FAM120B: variants seen among roughly 807,000 people sequenced by gnomAD.
The protein encoded by FAM120B is family with sequence similarity 120 member B.
FAM120B carries 83 observed loss-of-function variants against 96.3 expected under a neutral mutation model. The ratio of observed to expected loss-of-function variants is 0.86; its 90% confidence interval spans 0.72 to 1.03. FAM120B has a LOEUF of 1.03. FAM120B is among the 50% of genes least tolerant of loss of function. The pLI, the probability that FAM120B is intolerant of heterozygous loss-of-function variation, is 0.00. For missense variants in FAM120B, 1,027 were observed against 1,121.2 expected, an observed-to-expected ratio of 0.92 and a Z score of 1.20; for synonymous variants, 407 against 402.7, an observed-to-expected ratio of 1.01 and a Z score of -0.13.
At chr6:170,358,694 G>T (rs922783989) in intron 6 of FAM120B, among the ~76,000 whole-genome samples, 1 of 152,224 alleles carries the variant, frequency 6.6e-6, no homozygotes, top group African/African-American at 2.4e-5. Context: ...GGGCCGCCTG[G>T]CACCTTCCTG....
chr6:170,355,331 G>A (rs961997965), intron 5 of FAM120B, among the ~76,000 whole-genome samples: 1 of 152,162 alleles, frequency 6.6e-6, no homozygotes, highest in Admixed American at 6.5e-5. Flanking sequence ...GCATATCAGT[G>A]ATAGACTGAG....
chr6:170,381,857 A>G (rs1053133671), intron 6 of FAM120B, among the ~76,000 whole-genome samples: 18 of 152,122 alleles, frequency 1.2e-4, no homozygotes, highest in African/African-American at 4.3e-4. Flanking sequence ...ATCTTTCTCA[A>G]CTTGATAAAG....
intron 6 of FAM120B, among the ~76,000 whole-genome samples, chr6:170,361,194 ACGTG>A (rs753962741): frequency 0.012 from 744 of 63,454 alleles, 30 homozygotes; most frequent in East Asian, 0.11. Context: ...ATATATATAT[ACGTG>A]TATATATATA....
chr6:170,341,003 G>A (rs1381576113), intron 4 of FAM120B, among the ~76,000 whole-genome samples: 1 of 152,238 alleles, frequency 6.6e-6, no homozygotes, highest in Admixed American at 6.5e-5. Flanking sequence ...CCTCAGCAGA[G>A]CTGGAGTGCT....
At chr6:170,307,750 T>C (rs971119226) in intron 1 of FAM120B, among the ~76,000 whole-genome samples, 1 of 152,132 alleles carries the variant, frequency 6.6e-6, no homozygotes, top group Non-Finnish European at 1.5e-5. Flanking sequence ...CTGGCAGATA[T>C]AGGGGTGGGG....
intron 6 of FAM120B, among the ~76,000 whole-genome samples, chr6:170,381,871 A>G (rs1789925230): frequency 6.6e-6 from 1 of 152,156 alleles, no homozygotes; most frequent in East Asian, 1.9e-4. Context: ...GATAAAGAAC[A>G]TCTACAAAAG....
rs1273890715 is a variant in FAM120B at position 170,377,852 on chromosome 6, A to T, written c.2284-10435A>T. The stretch of plus-strand genomic sequence containing the variant: ...TGTGCACACGCGTCCCTAATCCCAG[A>T]TGCCTGGGAGAGCACCGGCTCACGC... On this transcript the variant is annotated intron_variant, in intron 6 of 10. Transcript: ENST00000476287. 8.8e-5 allele frequency among the ~76,000 whole-genome samples: 13 copies of T among 147,198 alleles called. 2 individuals are homozygous for T. The South Asian group carries it at 1.3e-3, about 15-fold the overall frequency.
At chr6:170,291,693 C>G (rs1182264864), upstream of FAM120B, among the ~76,000 whole-genome samples, 3 of 152,166 alleles carry the variant, frequency 2.0e-5, no homozygotes, top group Admixed American at 6.5e-5. Context: ...AGTGCAGAGC[C>G]GACGCGCGGG....
chr6:170,378,120 T>A (rs908905530), intron 6 of FAM120B, among the ~76,000 whole-genome samples: 1 of 152,254 alleles, frequency 6.6e-6, no homozygotes, highest in Non-Finnish European at 1.5e-5. Flanking sequence ...AATGCTCATT[T>A]CTGTCTGTGG....
At chr6:170,390,000 C>T (rs1391859605) in intron 7 of FAM120B, among the ~76,000 whole-genome samples, 3 of 152,230 alleles carry the variant, frequency 2.0e-5, no homozygotes, top group Non-Finnish European at 4.4e-5. Flanking sequence ...GGGACGCTGG[C>T]TGCTGTCCAG....
intron 5 of FAM120B, among the ~76,000 whole-genome samples, 167 bp downstream of exon 5, chr6:170,348,490 A>T (rs78897731): frequency 0.019 from 2,923 of 152,304 alleles, 99 homozygotes; most frequent in African/African-American, 0.067. Context: ...AGAAGATTGT[A>T]TGGCAAAATA....
chr6:170,290,998 C>T (rs1783853550), upstream of FAM120B: 2 of 701,770 alleles, frequency 2.8e-6, no homozygotes, highest in South Asian at 3.0e-5. This position sits in a 1 kb window ranked among gnomAD's most constrained non-coding sequence, Gnocchi z 4.7. Flanking sequence ...TGCAAATCAG[C>T]AGCCCCCCAA....
At chr6:170,366,086 CTCAGTGGCATTCTGTCAT>C (rs1467680005) in intron 6 of FAM120B, among the ~76,000 whole-genome samples, 16 of 152,176 alleles carry the variant, frequency 1.1e-4, no homozygotes, top group Non-Finnish European at 7.3e-5. Flanking sequence ...AAAATGTAGA[CTCAGTGGCATTCTGTCAT>C]TCAGTGGCAT....
intron 6 of FAM120B, among the ~76,000 whole-genome samples, chr6:170,364,876 C>T (rs1788673127): frequency 2.0e-5 from 3 of 152,224 alleles, no homozygotes. Flanking sequence ...TTGTAGATTG[C>T]AGTGGTGAGT....
chr6:170,397,022 C>G (rs183260895), intron 9 of FAM120B, among the ~76,000 whole-genome samples: 3 of 152,350 alleles, frequency 2.0e-5, no homozygotes, highest in Non-Finnish European at 2.9e-5. Context: ...GCTTTCAGGT[C>G]AGAGACTGCA....
chr6:170,382,283 G>A (rs549377038), intron 6 of FAM120B, among the ~76,000 whole-genome samples: 4 of 152,158 alleles, frequency 2.6e-5, no homozygotes, highest in Non-Finnish European at 4.4e-5. Context: ...TTAGCTGGAT[G>A]TATTAGCTAC....
intron 7 of FAM120B, among the ~76,000 whole-genome samples, chr6:170,389,096 G>A (rs372250938): frequency 1.3e-5 from 2 of 152,142 alleles, no homozygotes; most frequent in Non-Finnish European, 2.9e-5. Flanking sequence ...TGCCTCAGGC[G>A]TGGCAGAGGC....
chr6:170,396,452 G>A (rs1284312166), intron 9 of FAM120B, among the ~76,000 whole-genome samples: 1 of 152,192 alleles, frequency 6.6e-6, no homozygotes, highest in Non-Finnish European at 1.5e-5. Context: ...GATGGTGAAT[G>A]TTTTTGAAAT....
intron 4 of FAM120B, among the ~76,000 whole-genome samples, chr6:170,331,319 A>G (rs946305994): frequency 6.6e-6 from 1 of 152,180 alleles, no homozygotes; most frequent in Non-Finnish European, 1.5e-5. Context: ...TTCCATTTTC[A>G]TATGCATTAA....
Sources: allele counts gnomAD v4.1 joint callset (sites outside exome capture counted in the v4.1 genomes callset), GRCh38; gene constraint gnomAD v4.1.1; non-coding constraint Gnocchi (gnomAD v3.1); transcripts MANE v1.5; gene names NCBI Gene and HGNC (gene_info 2026-07-23, HGNC 2026-07-21).